The following SAMD3 variants were observed in gnomAD, a reference collection of about 807,000 sequenced individuals.
SAMD3 encodes sterile alpha motif domain containing 3.
A neutral mutation model predicts 58.5 loss-of-function variants in SAMD3; 63 were observed. The observed-to-expected ratio is 1.08, with a 90% CI of 0.88 to 1.33. The LOEUF (loss-of-function observed/expected upper bound fraction) is 1.33. Among genes scored for constraint, SAMD3 ranks in the 40% most tolerant of loss-of-function variants. SAMD3 has a pLI of 0.00. For synonymous variants in SAMD3, 220 were observed against 210.3 expected (o/e 1.05, Z -0.40); for missense variants, 604 against 608.4 (o/e 0.99, Z 0.08).
At chr6:130,194,447 T>C (rs1793884557) in intron 5 of SAMD3, among the ~76,000 whole-genome samples, 1 of 152,222 alleles carries the variant, frequency 6.6e-6, no homozygotes, top group South Asian at 2.1e-4. Context: ...TACAACAGGA[T>C]TTAATTAACC....
intron 1 of SAMD3, among the ~76,000 whole-genome samples, chr6:130,316,857 T>C (rs7740225): frequency 0.073 from 11,058 of 152,274 alleles, 710 homozygotes; most frequent in East Asian, 0.29. Flanking sequence ...ACAAAGGATT[T>C]GATTTTCACA....
intron 2 of SAMD3, among the ~76,000 whole-genome samples, chr6:130,298,571 T>G (rs1270970451): frequency 6.6e-6 from 1 of 152,108 alleles, no homozygotes; most frequent in Non-Finnish European, 1.5e-5. Flanking sequence ...GAGAAAAGTT[T>G]ATAGCACTAA....
intron 5 of SAMD3, among the ~76,000 whole-genome samples, chr6:130,194,000 C>T (rs1250241646): frequency 1.3e-5 from 2 of 152,102 alleles, no homozygotes; most frequent in African/African-American, 4.8e-5. Flanking sequence ...CTCTCCCCTC[C>T]TCCCCAGGCT....
At chr6:130,363,710 T>C (rs1778051264) in intron 1 of SAMD3, among the ~76,000 whole-genome samples, 1 of 152,200 alleles carries the variant, frequency 6.6e-6, no homozygotes, top group African/African-American at 2.4e-5. Flanking sequence ...GGAGCTTGGA[T>C]TACAGGACAC....
At chr6:130,261,317 T>C (rs1774127437) in intron 2 of SAMD3, among the ~76,000 whole-genome samples, 1 of 127,996 alleles carries the variant, frequency 7.8e-6, no homozygotes, top group Admixed American at 7.9e-5. Flanking sequence ...ACGGCGTGCC[T>C]TTATCGGCAC....
intron 2 of SAMD3, among the ~76,000 whole-genome samples, chr6:130,285,753 T>C (rs1355762791): frequency 6.6e-6 from 1 of 152,242 alleles, no homozygotes; most frequent in Non-Finnish European, 1.5e-5. Flanking sequence ...AAAGTCCATC[T>C]TATTCCCAGT....
intron 2 of SAMD3, among the ~76,000 whole-genome samples, chr6:130,234,489 T>C (rs960107250): frequency 1.3e-5 from 2 of 152,196 alleles, no homozygotes; most frequent in African/African-American, 4.8e-5. Flanking sequence ...TCCATGAATA[T>C]ATGGCTATCT....
chr6:130,271,435 T>C (rs1319621147), intron 2 of SAMD3, among the ~76,000 whole-genome samples: 6 of 152,240 alleles, frequency 3.9e-5, no homozygotes, highest in Non-Finnish European at 5.9e-5. Context: ...ATTTTTAAGA[T>C]TGTGAATGAG....
At position 130,144,505 on chromosome 6, in the gene SAMD3, A is replaced by G; in HGVS notation, c.*15T>C. On this transcript the variant is annotated 3_prime_UTR_variant, in exon 12 of 12. Coordinates refer to ENST00000439090, the MANE Select transcript of SAMD3 (RefSeq NM_001017373.4). ...TTTCCCAGAGGTAAATTCCAGTACA[A>G]TATTTGGCATGCTATTAAGTGAGTG... 3 of 1,609,228 alleles carry G rather than the reference A, an allele frequency of 1.9e-6. No individual in the cohort carries two copies.
chr6:130,184,049 C>T (rs1792672725), intron 7 of SAMD3, 54 bp downstream of exon 7: 9 of 1,399,312 alleles, frequency 6.4e-6, no homozygotes, highest in Non-Finnish European at 9.1e-6. Flanking sequence ...CAACACAAGG[C>T]AATTATTTTA....
At chr6:130,244,737 C>CA (rs869081527) in intron 2 of SAMD3, among the ~76,000 whole-genome samples, 158 of 118,796 alleles carry the variant, frequency 1.3e-3, no homozygotes, top group African/African-American at 5.1e-3. Context: ...GAGCCTGTCT[C>CA]AAAAAAAAAA....
chr6:130,365,564 G>A (rs1778114646), upstream of SAMD3: 3 of 985,242 alleles, frequency 3.0e-6, no homozygotes, highest in Non-Finnish European at 3.6e-6. Flanking sequence ...GGAATACTGC[G>A]AGTCGGCTGG....
chr6:130,186,714 A>G (rs982823482), intron 5 of SAMD3, among the ~76,000 whole-genome samples: 10 of 151,376 alleles, frequency 6.6e-5, no homozygotes, highest in African/African-American at 2.2e-4. Context: ...ACTGAGACCT[A>G]GAAGTATAAA....
chr6:130,160,659 T>C (rs571950097), intron 8 of SAMD3: 13 of 152,238 alleles, frequency 8.5e-5, no homozygotes, highest in African/African-American at 3.1e-4. Flanking sequence ...AATCTTTTAA[T>C]TGAGGTTGGA....
At chr6:130,346,254 G>A (rs544276294) in intron 1 of SAMD3, among the ~76,000 whole-genome samples, 1 of 152,336 alleles carries the variant, frequency 6.6e-6, no homozygotes, top group South Asian at 2.1e-4. Flanking sequence ...CACCGAGCAT[G>A]AGCTGAAGCA....
intron 2 of SAMD3, among the ~76,000 whole-genome samples, chr6:130,233,773 T>G (rs1796610259): frequency 6.6e-6 from 1 of 152,202 alleles, no homozygotes; most frequent in Non-Finnish European, 1.5e-5. Context: ...GAAATCAACT[T>G]TGTTTTAAAA....
At chr6:130,255,829 G>A (rs1773909322) in intron 2 of SAMD3, among the ~76,000 whole-genome samples, 1 of 150,096 alleles carries the variant, frequency 6.7e-6, no homozygotes, top group Non-Finnish European at 1.5e-5. Flanking sequence ...TTAGTCTCAT[G>A]TCGGCAACAT....
chr6:130,206,849 T>A (rs901302543), intron 5 of SAMD3, among the ~76,000 whole-genome samples: 4 of 152,134 alleles, frequency 2.6e-5, no homozygotes, highest in Admixed American at 2.6e-4. Context: ...GGCTGGTCCT[T>A]TGATGAGCCA....
At chr6:130,320,517 T>A (rs535890183) in intron 1 of SAMD3, among the ~76,000 whole-genome samples, 1 of 152,318 alleles carries the variant, frequency 6.6e-6, no homozygotes, top group South Asian at 2.1e-4. Context: ...AGCTGCTGTA[T>A]GACTCAGGTA....
Sources: allele counts gnomAD v4.1 joint callset (sites outside exome capture counted in the v4.1 genomes callset), GRCh38; gene constraint gnomAD v4.1.1; transcripts MANE v1.5; gene names NCBI Gene and HGNC (gene_info 2026-07-23, HGNC 2026-07-21).